CLNK: variants seen among roughly 807,000 people sequenced by gnomAD.
CLNK encodes the protein cytokine dependent hematopoietic cell linker.
A neutral mutation model predicts 68.6 loss-of-function variants in CLNK; 74 were observed. The observed-to-expected ratio is 1.08, with a 90% CI of 0.89 to 1.31. The LOEUF is 1.31. Among genes scored for constraint, CLNK ranks in the 50% most tolerant of loss-of-function variants. The pLI, the probability that CLNK is intolerant of heterozygous loss-of-function variation, is 0.00. For missense variants in CLNK, 553 were observed against 515.3 expected, an observed-to-expected ratio of 1.07 and a Z score of -0.71; for synonymous variants, 198 against 172.2, an observed-to-expected ratio of 1.15 and a Z score of -1.17.
At chr4:10,718,443 ATTTC>A in the CLNK span, among the ~76,000 whole-genome samples, 1 of 152,086 alleles carries the variant, frequency 6.6e-6, no homozygotes, top group African/African-American at 2.4e-5. Context: ...TTGGCAGTGA[ATTTC>A]TCATCGGAAA....
chr4:10,528,104 A>T lies in CLNK; in HGVS notation c.631-10T>A, dbSNP rs751201335. 24 of 1,296,662 alleles carry T rather than the reference A, an allele frequency of 1.9e-5. No homozygotes were observed. Among genetic ancestry groups the T allele is most frequent in the South Asian group, 8.4e-5 (4 of 47,566 alleles). The allele number at this position is 1,296,662 out of a possible 1,614,324, so 80.3% of individuals were successfully genotyped here. A position where few individuals can be genotyped will look rare whatever the true frequency, so the allele number is the denominator to read the frequency against. ...TTTCTGCTTCAAGGACCTGTATTGA[A>T]TTAAAAAAAATAAAATTTACTGACT... On this transcript the variant is annotated splice_polypyrimidine_tract_variant and intron_variant, in intron 12 of 18. Transcript: ENST00000226951.
chr4:10,495,777 G>A (rs1281621195), intron 18 of CLNK, among the ~76,000 whole-genome samples: 3 of 151,646 alleles, frequency 2.0e-5, no homozygotes, highest in Admixed American at 6.6e-5. Flanking sequence ...AAGAGGAGAA[G>A]GTCACGTGAC....
chr4:10,561,306 T>C (rs1437496294), intron 7 of CLNK, among the ~76,000 whole-genome samples: 1 of 152,174 alleles, frequency 6.6e-6, no homozygotes, highest in Admixed American at 6.5e-5. Context: ...CCTCACATAA[T>C]TTCATTTGAC....
the CLNK span, among the ~76,000 whole-genome samples, chr4:10,689,845 C>T: frequency 7.0e-6 from 1 of 143,746 alleles, no homozygotes; most frequent in East Asian, 2.1e-4. Flanking sequence ...TACATTGGTG[C>T]CTTGGGCAGT....
At chr4:10,645,060 T>C (rs985950904) in intron 2 of CLNK, among the ~76,000 whole-genome samples, 1 of 152,212 alleles carries the variant, frequency 6.6e-6, no homozygotes, top group African/African-American at 2.4e-5. Context: ...AATACATTTA[T>C]GGGTTGACCT....
intron 2 of CLNK, among the ~76,000 whole-genome samples, chr4:10,659,985 T>C (rs940682492): frequency 2.0e-5 from 3 of 152,234 alleles, no homozygotes; most frequent in African/African-American, 7.2e-5. Flanking sequence ...ATGCAAATTA[T>C]AGACATGCAA....
At chr4:10,716,335 C>G in the CLNK span, among the ~76,000 whole-genome samples, 6 of 152,092 alleles carry the variant, frequency 3.9e-5, 1 homozygote, top group South Asian at 1.2e-3. Context: ...TTTAATATTT[C>G]TAAAAGAGAA....
At chr4:10,629,777 G>A (rs916868497) in intron 2 of CLNK, among the ~76,000 whole-genome samples, 1 of 152,150 alleles carries the variant, frequency 6.6e-6, no homozygotes, top group Non-Finnish European at 1.5e-5. Flanking sequence ...GTGTGAAGGT[G>A]AGCATATCAG....
chr4:10,540,230 T>A (rs372521574), intron 11 of CLNK, among the ~76,000 whole-genome samples: 9 of 152,368 alleles, frequency 5.9e-5, no homozygotes, highest in African/African-American at 2.2e-4. Context: ...TTCTCTCACC[T>A]GCTGCCATGT....
intron 2 of CLNK, among the ~76,000 whole-genome samples, chr4:10,638,256 T>C (rs996702302): frequency 9.9e-5 from 15 of 152,214 alleles, no homozygotes; most frequent in Admixed American, 7.9e-4. Context: ...GGGAAAACTT[T>C]CACTATTAAA....
chr4:10,564,915 A>G, intron 6 of CLNK, 138 bp from the exon 7 acceptor site: 1 of 648,406 alleles, frequency 1.5e-6, no homozygotes, highest in Non-Finnish European at 2.8e-6. Context: ...TTCATTTAAC[A>G]GAGTAGGAGA....
intron 2 of CLNK, among the ~76,000 whole-genome samples, chr4:10,660,971 G>A (rs985292024): frequency 1.3e-5 from 2 of 152,166 alleles, no homozygotes; most frequent in African/African-American, 4.8e-5. Flanking sequence ...CAGTTGGCCC[G>A]AGAGTTGGTT....
At chr4:10,521,697 C>T (rs1340850238) in intron 14 of CLNK, among the ~76,000 whole-genome samples, 1 of 152,198 alleles carries the variant, frequency 6.6e-6, no homozygotes, top group African/African-American at 2.4e-5. Context: ...GCAGTTCATC[C>T]AGCCACCATA....
the CLNK span, among the ~76,000 whole-genome samples, chr4:10,721,209 G>A: frequency 6.6e-6 from 1 of 151,956 alleles, no homozygotes; most frequent in East Asian, 1.9e-4. Flanking sequence ...AGGGAACTGG[G>A]TGTGGCTATA....
chr4:10,528,139 A>G (rs1220935660), intron 12 of CLNK, 45 bp from the exon 13 acceptor site: 6 of 1,044,534 alleles, frequency 5.7e-6, no homozygotes, highest in Non-Finnish European at 7.6e-6. Context: ...TCTTGATGAC[A>G]GAGAATTTAA....
chr4:10,588,454 A>G (rs969132929), intron 3 of CLNK, among the ~76,000 whole-genome samples: 1 of 152,214 alleles, frequency 6.6e-6, no homozygotes, highest in African/African-American at 2.4e-5. Context: ...CCAGTCTCAG[A>G]CACTTGGAGG....
intron 1 of CLNK, among the ~76,000 whole-genome samples, chr4:10,678,803 C>CA (rs1307635923): frequency 6.6e-6 from 1 of 152,016 alleles, no homozygotes; most frequent in African/African-American, 2.4e-5. Flanking sequence ...AAAATACTTA[C>CA]AAGGGATGTG....
chr4:10,726,022 A>G, the CLNK span, among the ~76,000 whole-genome samples: 1 of 152,178 alleles, frequency 6.6e-6, no homozygotes, highest in African/African-American at 2.4e-5. Flanking sequence ...GCTGTGAGCA[A>G]GGTGTGGGCA....
chr4:10,551,442 G>A lies in CLNK; in HGVS notation c.445+6965C>T, dbSNP rs1369174039. ...TTGTATATATATATATTTTTTTTTA[G>A]TAGAGTTGGGGTTTTACCATGTTGC... On this transcript the variant is annotated intron_variant, in intron 8 of 18. Transcript: ENST00000226951. 2.2e-5 allele frequency among the ~76,000 whole-genome samples: 3 copies of A among 139,328 alleles called. No individual in the cohort carries two copies. The East Asian group carries it at 6.2e-4, about 29-fold the overall frequency. The allele number at this position is 139,328 out of a possible 152,430, so 91.4% of individuals were successfully genotyped here. A position where few individuals can be genotyped will look rare whatever the true frequency, so the allele number is the denominator to read the frequency against.
Sources: gnomAD v4.1 joint callset for allele counts (sites outside exome capture counted in the v4.1 genomes callset) on GRCh38, gnomAD v4.1.1 for gene constraint, MANE v1.5 for transcripts, NCBI Gene and HGNC (gene_info 2026-07-23, HGNC 2026-07-21) for gene names.